The following GRK3 variants were observed in gnomAD, a reference collection of about 807,000 sequenced individuals.
GRK3 encodes G protein-coupled receptor kinase 3.
In GRK3, 54 loss-of-function variants were observed where a neutral mutation model predicts 95.7. That is an observed-to-expected ratio of 0.56 (90% CI 0.45 to 0.71). The LOEUF (loss-of-function observed/expected upper bound fraction) is 0.71. Ranked by LOEUF, GRK3 falls within the 30% of genes least tolerant of loss-of-function variation. The pLI, the probability that GRK3 is intolerant of heterozygous loss-of-function variation, is 0.00. For missense variants in GRK3, 649 were observed against 851.2 expected (o/e 0.76, Z 2.96); for synonymous variants, 281 against 290.8 (o/e 0.97, Z 0.34).
chr22:25,705,170 A>G (rs920884219), intron 15 of GRK3, among the ~76,000 whole-genome samples: 1 of 152,184 alleles, frequency 6.6e-6, no homozygotes, highest in Admixed American at 6.5e-5. Context: ...GCTATAATAG[A>G]TGAAGATTTA....
chr22:25,697,654 G>A (rs1416268846), intron 13 of GRK3, among the ~76,000 whole-genome samples: 1 of 152,218 alleles, frequency 6.6e-6, no homozygotes, highest in East Asian at 1.9e-4. Context: ...GGGATCATAT[G>A]CATGCTGTGT....
chr22:25,677,976 A>G (rs770913458), intron 8 of GRK3, among the ~76,000 whole-genome samples: 68 of 152,228 alleles, frequency 4.5e-4, no homozygotes, highest in Middle Eastern at 3.2e-3. Context: ...ACTTGCCTCA[A>G]TGATAGTAGA....
chr22:25,649,222 G>T (rs537607330), intron 3 of GRK3: 101 of 1,276,196 alleles, frequency 7.9e-5, no homozygotes, highest in South Asian at 3.3e-4. Context: ...TACCAGCCAG[G>T]AGAAAACTTC....
chr22:25,721,899 T>A (rs1179919536), intron 20 of GRK3, among the ~76,000 whole-genome samples: 1 of 152,228 alleles, frequency 6.6e-6, no homozygotes, highest in Non-Finnish European at 1.5e-5. Flanking sequence ...AAAAAAATCA[T>A]TTTTACTAAC....
chr22:25,643,687 G>A (rs374600506), intron 2 of GRK3, among the ~76,000 whole-genome samples: 31 of 152,250 alleles, frequency 2.0e-4, no homozygotes, highest in East Asian at 7.7e-4. Flanking sequence ...TTATCTAGGC[G>A]TCACCATTAG....
At chr22:25,631,435 G>A (rs1176338424) in intron 2 of GRK3, among the ~76,000 whole-genome samples, 1 of 152,202 alleles carries the variant, frequency 6.6e-6, no homozygotes, top group Non-Finnish European at 1.5e-5. Context: ...CTGGCTTCTA[G>A]AAATTTTAGA....
At chr22:25,590,170 T>C (rs1932445041) in intron 1 of GRK3, among the ~76,000 whole-genome samples, 5 of 152,184 alleles carry the variant, frequency 3.3e-5, no homozygotes, top group African/African-American at 1.2e-4. Flanking sequence ...TATAATTTCA[T>C]CTTTAAATAT....
chr22:25,601,742 T>A (rs1419900534), intron 1 of GRK3, among the ~76,000 whole-genome samples: 2 of 152,078 alleles, frequency 1.3e-5, no homozygotes, highest in African/African-American at 4.8e-5. Context: ...GAAGGAAGTC[T>A]TTTCAACAAG....
intron 2 of GRK3, among the ~76,000 whole-genome samples, chr22:25,641,820 G>C (rs1015664342): frequency 6.6e-6 from 1 of 152,220 alleles, no homozygotes; most frequent in Non-Finnish European, 1.5e-5. Context: ...CTTGGGGGGA[G>C]CACTGTGAGA....
At chr22:25,707,345 C>T (rs1353719555) in intron 15 of GRK3, among the ~76,000 whole-genome samples, 9 of 152,268 alleles carry the variant, frequency 5.9e-5, no homozygotes, top group African/African-American at 2.2e-4. Context: ...AGAAAATCAC[C>T]GAAGTGTTTC....
intron 3 of GRK3, among the ~76,000 whole-genome samples, chr22:25,655,014 C>G (rs2084859955): frequency 1.3e-5 from 2 of 152,134 alleles, no homozygotes; most frequent in African/African-American, 4.8e-5. Context: ...TCAATGCAGC[C>G]TTTACACTTT....
chr22:25,660,450 A>G (rs2084902223), intron 3 of GRK3, among the ~76,000 whole-genome samples: 2 of 152,172 alleles, frequency 1.3e-5, no homozygotes, highest in African/African-American at 4.8e-5. Context: ...TCACAGTGTA[A>G]CACTGATGAT....
chr22:25,612,628 T>C (rs971129926), intron 2 of GRK3, among the ~76,000 whole-genome samples: 1 of 152,128 alleles, frequency 6.6e-6, no homozygotes, highest in African/African-American at 2.4e-5. Flanking sequence ...TTCCTTTCAG[T>C]TTTTACTTTT....
intron 2 of GRK3, among the ~76,000 whole-genome samples, chr22:25,616,188 T>C (rs2084536787): frequency 6.6e-6 from 1 of 151,790 alleles, no homozygotes; most frequent in African/African-American, 2.4e-5. Flanking sequence ...GCCAGGGAGG[T>C]TGTGTTAGTC....
At chr22:25,643,750 GTAAT>G (rs1484125014) in intron 2 of GRK3, among the ~76,000 whole-genome samples, 1 of 152,174 alleles carries the variant, frequency 6.6e-6, no homozygotes, top group Non-Finnish European at 1.5e-5. Flanking sequence ...TATAAATCAG[GTAAT>G]TAATTAGTGT....
At chr22:25,632,481 G>A (rs1448063046) in intron 2 of GRK3, among the ~76,000 whole-genome samples, 3 of 152,118 alleles carry the variant, frequency 2.0e-5, no homozygotes, top group Non-Finnish European at 4.4e-5. Context: ...CAAATATGTG[G>A]CATGTCTTTG....
At position 25,728,885 on chromosome 22, in the gene GRK3, CTCTG is replaced by C. The variant is rs1334421871; in HGVS notation, c.*6441_*6444del. 2 of 152,140 alleles carry C rather than the reference CTCTG, an allele frequency of 1.3e-5. No homozygotes were observed. The highest frequency in any genetic ancestry group is 3.8e-4 in the East Asian group (2 of 5,198). The allele number at this position is 152,140 out of a possible 1,614,324, so 9.4% of individuals were successfully genotyped here. A position where few individuals can be genotyped will look rare whatever the true frequency, so the allele number is the denominator to read the frequency against. On this transcript the variant is annotated 3_prime_UTR_variant, in exon 21 of 21. Transcript: ENST00000324198. ...AGAACGTGCCTCCTCACTCATTTGT[CTCTG>C]TCTGTTTTCATAGCCATCAATATAG...
intron 2 of GRK3, among the ~76,000 whole-genome samples, chr22:25,641,347 C>G (rs1357940181): frequency 1.3e-5 from 2 of 152,132 alleles, no homozygotes; most frequent in Non-Finnish European, 1.5e-5. Context: ...CCCGACTTCC[C>G]TCCCTCTCCT....
At chr22:25,688,072 T>TA (rs761009396) in intron 11 of GRK3, among the ~76,000 whole-genome samples, 124 of 151,964 alleles carry the variant, frequency 8.2e-4, no homozygotes, top group Admixed American at 2.9e-3. Context: ...CCGTCTCTAC[T>TA]AAAAATACAA....
Sources: allele counts gnomAD v4.1 joint callset (sites outside exome capture counted in the v4.1 genomes callset), GRCh38; gene constraint gnomAD v4.1.1; transcripts MANE v1.5; gene names NCBI Gene and HGNC (gene_info 2026-07-23, HGNC 2026-07-21).